ANKRD6: variants seen among roughly 807,000 people sequenced by gnomAD.
ANKRD6 encodes ankyrin repeat domain 6.
ANKRD6 carries 56 observed loss-of-function variants against 82.3 expected under a neutral mutation model. That is an observed-to-expected ratio of 0.68 (90% CI 0.55 to 0.85). The LOEUF (loss-of-function observed/expected upper bound fraction) is 0.85, where lower values mean the gene tolerates loss of function less well. ANKRD6 is among the 40% of genes least tolerant of loss of function. The pLI, the probability that ANKRD6 is intolerant of heterozygous loss-of-function variation, is 0.00. For synonymous variants in ANKRD6, 347 were observed against 352.1 expected (o/e 0.99, Z 0.16); for missense variants, 852 against 907.6 (o/e 0.94, Z 0.79).
chr6:89,504,281 A>T (rs1025904922), intron 1 of ANKRD6, among the ~76,000 whole-genome samples: 1 of 151,968 alleles, frequency 6.6e-6, no homozygotes, highest in African/African-American at 2.4e-5. Context: ...TAACCAGCTG[A>T]TGGGATGCTG....
At chr6:89,544,303 G>T (rs1354412790) in intron 1 of ANKRD6, among the ~76,000 whole-genome samples, 1 of 152,194 alleles carries the variant, frequency 6.6e-6, no homozygotes, top group Non-Finnish European at 1.5e-5. Context: ...GGTGTCTGCC[G>T]GAATACTAAA....
At chr6:89,527,359 TGAG>T (rs1651863072) in intron 1 of ANKRD6, among the ~76,000 whole-genome samples, 1 of 150,954 alleles carries the variant, frequency 6.6e-6, no homozygotes, top group African/African-American at 2.4e-5. Context: ...CTTTGGGAGG[TGAG>T]GAGGGTGGAT....
chr6:89,534,422 G>A (rs1276252596), intron 1 of ANKRD6, among the ~76,000 whole-genome samples: 2 of 152,110 alleles, frequency 1.3e-5, no homozygotes, highest in Admixed American at 6.6e-5. Flanking sequence ...ACATAAAAGT[G>A]GCATGGGAAA....
chr6:89,554,706 A>G (rs944010811), intron 1 of ANKRD6, among the ~76,000 whole-genome samples: 4 of 152,168 alleles, frequency 2.6e-5, no homozygotes, highest in South Asian at 2.1e-4. Flanking sequence ...TTGAACTTAC[A>G]TAGTGGAATG....
intron 1 of ANKRD6, among the ~76,000 whole-genome samples, chr6:89,523,703 C>A (rs900793810): frequency 6.6e-6 from 1 of 152,180 alleles, no homozygotes; most frequent in Admixed American, 6.5e-5. Context: ...CTGCCAGCCT[C>A]ATACTTCTCT....
intron 1 of ANKRD6, among the ~76,000 whole-genome samples, chr6:89,485,224 G>A (rs187617747): frequency 2.6e-5 from 4 of 152,310 alleles, no homozygotes; most frequent in African/African-American, 9.6e-5. Context: ...GTATTGGCAA[G>A]CATCTAAAAT....
At chr6:89,465,930 T>C (rs1252107288) in intron 1 of ANKRD6, among the ~76,000 whole-genome samples, 2 of 152,210 alleles carry the variant, frequency 1.3e-5, no homozygotes, top group Admixed American at 6.5e-5. Context: ...CTCATTAGGT[T>C]ATTATGGATA....
intron 2 of ANKRD6, among the ~76,000 whole-genome samples, chr6:89,594,593 G>A (rs1795512719): frequency 6.6e-6 from 1 of 152,174 alleles, no homozygotes; most frequent in East Asian, 1.9e-4. Context: ...GTTACCTCTG[G>A]GGATGGAAGA....
intron 15 of ANKRD6, chr6:89,629,590 T>G (rs1327854706): frequency 3.1e-6 from 1 of 317,938 alleles, no homozygotes; most frequent in Admixed American, 4.2e-5. Flanking sequence ...CTCCCTTGCC[T>G]TTTGTGCCTT....
At chr6:89,592,659 CAT>C (rs1004099484) in intron 2 of ANKRD6, among the ~76,000 whole-genome samples, 1 of 152,158 alleles carries the variant, frequency 6.6e-6, no homozygotes, top group Non-Finnish European at 1.5e-5. Context: ...AACAAGGTAA[CAT>C]AGAGTAAGTA....
chr6:89,546,589 G>A (rs1480517208), intron 1 of ANKRD6, among the ~76,000 whole-genome samples: 1 of 151,926 alleles, frequency 6.6e-6, no homozygotes, highest in Non-Finnish European at 1.5e-5. Flanking sequence ...TCAGCCTCTC[G>A]AGTAGCTGGG....
At chr6:89,607,230 A>C (rs1798910970) in intron 5 of ANKRD6, among the ~76,000 whole-genome samples, 2 of 152,124 alleles carry the variant, frequency 1.3e-5, no homozygotes, top group African/African-American at 4.8e-5. Flanking sequence ...TATCCTAAAA[A>C]GGTAATAAAA....
chr6:89,491,228 A>G (rs753906959), intron 1 of ANKRD6, among the ~76,000 whole-genome samples: 3 of 152,214 alleles, frequency 2.0e-5, no homozygotes, highest in Non-Finnish European at 4.4e-5. Context: ...TGTTATGACA[A>G]TCCTAGAAAA....
chr6:89,539,229 G>A (rs1320940780), intron 1 of ANKRD6, among the ~76,000 whole-genome samples: 2 of 151,960 alleles, frequency 1.3e-5, no homozygotes, highest in South Asian at 2.1e-4. Flanking sequence ...AAATATCTTG[G>A]AATTATTATA....
chr6:89,433,847 C>CG lies in ANKRD6; in HGVS notation c.-144+473dup, dbSNP rs889928749. Among the ~76,000 whole-genome samples, 5 of 152,200 alleles carry CG rather than the reference C, an allele frequency of 3.3e-5. No individual in the cohort carries two copies. ...TAGGGTGCAGTCGCAGGAGAGGGGC[C>CG]GATACCCCTCAGGAGCCCCATCGGC... On this transcript the variant is annotated intron_variant, in intron 1 of 15. Coordinates refer to ENST00000339746, the MANE Select transcript of ANKRD6 (RefSeq NM_001242809.2). The surrounding 1 kb of genome is among the most constrained non-coding windows in gnomAD (Gnocchi z 4.3).
intron 2 of ANKRD6, among the ~76,000 whole-genome samples, chr6:89,568,893 C>T (rs907503908): frequency 1.3e-5 from 2 of 150,914 alleles, no homozygotes; most frequent in Non-Finnish European, 3.0e-5. Flanking sequence ...AATATTAGAA[C>T]ATTTCTATTG....
chr6:89,437,686 C>T (rs1218139096), intron 1 of ANKRD6, among the ~76,000 whole-genome samples: 1 of 152,168 alleles, frequency 6.6e-6, no homozygotes, highest in Non-Finnish European at 1.5e-5. Context: ...TACCTTGTTT[C>T]ATATCCAGTG....
At chr6:89,434,688 G>A (rs1480834586) in intron 1 of ANKRD6, among the ~76,000 whole-genome samples, 1 of 152,134 alleles carries the variant, frequency 6.6e-6, no homozygotes, top group Non-Finnish European at 1.5e-5. Flanking sequence ...GCCTCCCAAA[G>A]TGTTGGGATT....
intron 1 of ANKRD6, among the ~76,000 whole-genome samples, chr6:89,548,494 G>A (rs1321008350): frequency 1.3e-5 from 2 of 152,186 alleles, no homozygotes; most frequent in Non-Finnish European, 2.9e-5. Flanking sequence ...GAGAACATTT[G>A]TATACAAGTT....
Sources: gnomAD v4.1 joint callset for allele counts (sites outside exome capture counted in the v4.1 genomes callset) on GRCh38, gnomAD v4.1.1 for gene constraint, Gnocchi (gnomAD v3.1) non-coding constraint, MANE v1.5 for transcripts, NCBI Gene and HGNC (gene_info 2026-07-23, HGNC 2026-07-21) for gene names.